Variants in SOX6 observed in about 807,000 individuals in gnomAD.
SOX6 encodes the protein SRY-box transcription factor 6.
In SOX6, 11 loss-of-function variants were observed where a neutral mutation model predicts 97.8. That is an observed-to-expected ratio of 0.11 (90% CI 0.07 to 0.19). SOX6 has a LOEUF of 0.19. Among genes scored for constraint, SOX6 ranks in the 10% least tolerant of loss-of-function variants. The pLI is 1.00. For missense variants in SOX6, 810 were observed against 1,039.5 expected, an observed-to-expected ratio of 0.78 and a Z score of 3.04; for synonymous variants, 360 against 371.4, an observed-to-expected ratio of 0.97 and a Z score of 0.35.
intron 12 of SOX6, among the ~76,000 whole-genome samples, chr11:16,032,816 T>C (rs1200003187): frequency 2.6e-5 from 4 of 152,072 alleles, no homozygotes; most frequent in Admixed American, 6.6e-5. Flanking sequence ...GCCCCAACCA[T>C]ACTCATGCCA....
At position 16,620,664 on chromosome 11, in the gene SOX6, T is replaced by C. The variant is rs77450415; in HGVS notation, n.430-8404A>G. On this transcript the variant is annotated intron_variant and non_coding_transcript_variant, in intron 3 of 5. Coordinates refer to the SOX6 transcript ENST00000524520. Reference sequence around the variant, plus strand: ...TAAAACTATATATGTCTACATGAGATAGGTGATCATATATAATTATTTTAC... The same window carrying C: ...TAAAACTATATATGTCTACATGAGACAGGTGATCATATATAATTATTTTAC... 5.1e-3 allele frequency among the ~76,000 whole-genome samples: 774 copies of C among 152,330 alleles called. 2 individuals are homozygous for C. Among genetic ancestry groups the C allele is most frequent in the Non-Finnish European group, 8.3e-3 (565 of 68,024 alleles).
intron 3 of SOX6, among the ~76,000 whole-genome samples, chr11:16,290,352 G>C (rs1854878887): frequency 6.6e-6 from 1 of 151,860 alleles, no homozygotes; most frequent in Non-Finnish European, 1.5e-5. Context: ...GTAATATTTG[G>C]GGTTATTAGC....
intron 6 of SOX6, among the ~76,000 whole-genome samples, chr11:16,121,660 A>C (rs1396271111): frequency 6.6e-6 from 1 of 152,004 alleles, no homozygotes; most frequent in Non-Finnish European, 1.5e-5. Flanking sequence ...TCTCTACTCT[A>C]TCTATGGTCT....
rs574788776 is a variant in SOX6, at chr11:16,712,472, GT to G, written n.429+2357del. Among the ~76,000 whole-genome samples the G allele has an allele frequency of 2.0e-4, 31 of 152,040 alleles. 1 individual carries two copies. The South Asian group carries it at 5.6e-3, about 28-fold the overall frequency. The stretch of plus-strand genomic sequence containing the variant: ...AGGAGTAAGGTGGTATCACATTGTG[GT>G]TTTGACTTGCATTTCCCTGATCATT... On this transcript the variant is annotated intron_variant and non_coding_transcript_variant, in intron 3 of 5. Coordinates refer to the SOX6 transcript ENST00000524520.
chr11:16,166,856 C>A (rs371725165), intron 6 of SOX6, among the ~76,000 whole-genome samples: 5 of 152,180 alleles, frequency 3.3e-5, no homozygotes, highest in East Asian at 3.9e-4. Context: ...AAGTATGAGT[C>A]GTGTTCTGAA....
intron 2 of SOX6, among the ~76,000 whole-genome samples, chr11:16,718,368 T>C (rs575184082): frequency 6.6e-6 from 1 of 152,304 alleles, no homozygotes; most frequent in South Asian, 2.1e-4. Flanking sequence ...TTGAATTTCT[T>C]CTTTATTTGG....
chr11:16,045,137 GA>G (rs1855790337), intron 12 of SOX6, among the ~76,000 whole-genome samples: 1 of 152,036 alleles, frequency 6.6e-6, no homozygotes, highest in African/African-American at 2.4e-5. Flanking sequence ...TTAATCTGTA[GA>G]ATTTGAAGTT....
chr11:16,560,540 TAC>T (rs1847800784), intron 4 of SOX6, among the ~76,000 whole-genome samples: 2 of 93,438 alleles, frequency 2.1e-5, no homozygotes, highest in Non-Finnish European at 5.0e-5. Context: ...TATATGTTTA[TAC>T]GTACATATGT....
chr11:16,139,090 GCTCTT>G (rs1433218132), intron 6 of SOX6, among the ~76,000 whole-genome samples: 1 of 152,144 alleles, frequency 6.6e-6, no homozygotes, highest in Non-Finnish European at 1.5e-5. Context: ...GCGATGCTGT[GCTCTT>G]CTCAATATAT....
intron 1 of SOX6, among the ~76,000 whole-genome samples, chr11:16,377,926 G>A (rs1394876113): frequency 6.6e-6 from 1 of 152,140 alleles, no homozygotes; most frequent in Admixed American, 6.5e-5. Flanking sequence ...CAAACTGTTG[G>A]GCGGAGCATA....
chr11:16,387,327 A>G (rs1435394985), intron 1 of SOX6, among the ~76,000 whole-genome samples: 1 of 152,120 alleles, frequency 6.6e-6, no homozygotes, highest in Non-Finnish European at 1.5e-5. Flanking sequence ...CATTGAAACC[A>G]CTATTCAAAA....
chr11:15,993,193 C>A (rs1335784709), intron 13 of SOX6, among the ~76,000 whole-genome samples: 1 of 152,122 alleles, frequency 6.6e-6, no homozygotes, highest in East Asian at 1.9e-4. Context: ...AAATTGTTTT[C>A]AAAAGGTATA....
At chr11:16,438,357 T>A (rs1240683921) in intron 1 of SOX6, among the ~76,000 whole-genome samples, 2 of 151,842 alleles carry the variant, frequency 1.3e-5, no homozygotes, top group South Asian at 2.1e-4. Flanking sequence ...AGAGAAAAAA[T>A]TTCAAAATTG....
chr11:16,120,704 C>T (rs1241859541), intron 6 of SOX6, among the ~76,000 whole-genome samples: 1 of 151,822 alleles, frequency 6.6e-6, no homozygotes, highest in East Asian at 1.9e-4. Context: ...AAACAAAATG[C>T]CTAAATTATT....
At chr11:16,299,636 AGAG>A (rs1855197760) in intron 3 of SOX6, among the ~76,000 whole-genome samples, 1 of 152,186 alleles carries the variant, frequency 6.6e-6, no homozygotes, top group Non-Finnish European at 1.5e-5. Flanking sequence ...ACGATAGGTA[AGAG>A]GAGACAAAAT....
intron 3 of SOX6, among the ~76,000 whole-genome samples, chr11:16,632,783 C>T (rs566859312): frequency 7.9e-5 from 12 of 152,330 alleles, no homozygotes; most frequent in South Asian, 6.2e-4. Context: ...TCCAGATGTC[C>T]GGAGATCTGC....
chr11:16,302,566 C>CTTTTTTTTTTTTTTTTTTTT (rs71044096), intron 3 of SOX6, among the ~76,000 whole-genome samples: 187 of 86,974 alleles, frequency 2.2e-3, no homozygotes, highest in Non-Finnish European at 2.7e-3. Context: ...TTCTTTTTTT[C>CTTTTTTTTTTTTTTTTTTTT]TTTTTTTTTT....
intron 12 of SOX6, 135 bp downstream of exon 12, chr11:16,046,379 G>A: frequency 1.1e-6 from 1 of 888,606 alleles, no homozygotes; most frequent in South Asian, 1.4e-5. Context: ...ACAGATTTCA[G>A]TAAAGTACAA....
intron 4 of SOX6, chr11:16,576,863 G>A (rs1303141056): frequency 6.6e-6 from 1 of 152,236 alleles, no homozygotes; most frequent in Non-Finnish European, 1.5e-5. Context: ...TGCGCATGGT[G>A]GCATGTGCGT....
Sources: allele counts gnomAD v4.1 joint callset (sites outside exome capture counted in the v4.1 genomes callset), GRCh38; gene constraint gnomAD v4.1.1; transcripts MANE v1.5; gene names NCBI Gene and HGNC (gene_info 2026-07-23, HGNC 2026-07-21).